The following MME variants were observed in gnomAD, a reference collection of about 807,000 sequenced individuals.
The protein encoded by MME is membrane metalloendopeptidase, also known as neprilysin.
MME carries 98 observed loss-of-function variants against 113.2 expected under a neutral mutation model. That is an observed-to-expected ratio of 0.87 (90% CI 0.74 to 1.02). MME has a LOEUF of 1.02. Ranked by LOEUF, MME falls within the 50% of genes least tolerant of loss-of-function variation. The pLI, the probability that MME is intolerant of heterozygous loss-of-function variation, is 0.00. For synonymous variants in MME, 292 were observed against 300.6 expected (o/e 0.97, Z 0.30); for missense variants, 836 against 896.0 (o/e 0.93, Z 0.86).
intron 1 of MME, among the ~76,000 whole-genome samples, chr3:155,027,423 T>C (rs1712823843): frequency 6.6e-6 from 1 of 152,224 alleles, no homozygotes; most frequent in Non-Finnish European, 1.5e-5. Flanking sequence ...TTTCTAGTCC[T>C]GCTCACTCCC....
At chr3:155,037,824 G>A (rs1379740721) in intron 1 of MME, among the ~76,000 whole-genome samples, 1 of 152,188 alleles carries the variant, frequency 6.6e-6, no homozygotes, top group Non-Finnish European at 1.5e-5. Flanking sequence ...GATAGGACCA[G>A]TTTTGGTAGA....
chr3:155,168,481 ATATAT>A lies in MME; in HGVS notation c.1781-6_1781-2del. ...ATGAGTTCCCATTTTACTTAAATAA[ATATAT>A]TATAGGCAGAAACTTTAACAAAGAT... On this transcript the variant is annotated splice_region_variant and splice_polypyrimidine_tract_variant and intron_variant, in intron 18 of 22. Transcript: ENST00000360490. 2 of 1,606,372 alleles carry A rather than the reference ATATAT, an allele frequency of 1.2e-6. No homozygotes were observed. Among genetic ancestry groups the A allele is most frequent in the South Asian group, 1.1e-5 (1 of 90,706 alleles).
intron 22 of MME, 101 bp downstream of exon 22, chr3:155,172,713 A>G: frequency 1.1e-6 from 1 of 914,998 alleles, no homozygotes; most frequent in Non-Finnish European, 1.8e-6. Flanking sequence ...TTACATTTGG[A>G]AATTCAGTGC....
chr3:155,132,694 A>G (rs1279029049), intron 8 of MME, among the ~76,000 whole-genome samples: 1 of 151,988 alleles, frequency 6.6e-6, no homozygotes, highest in Non-Finnish European at 1.5e-5. Context: ...TCTCTCAGTC[A>G]CACACACACA....
chr3:155,167,080 A>G, intron 18 of MME, 59 bp downstream of exon 18: 1 of 1,591,356 alleles, frequency 6.3e-7, no homozygotes, highest in Non-Finnish European at 8.6e-7. Context: ...TTTGATTAAG[A>G]GTTATTATAA....
intron 1 of MME, among the ~76,000 whole-genome samples, chr3:155,038,004 A>G (rs978435241): frequency 6.6e-6 from 1 of 152,178 alleles, no homozygotes; most frequent in Non-Finnish European, 1.5e-5. Flanking sequence ...AATGAAACAG[A>G]TAGTCTAATG....
intron 1 of MME, among the ~76,000 whole-genome samples, chr3:155,052,069 A>T (rs1009141748): frequency 1.3e-5 from 2 of 152,186 alleles, no homozygotes; most frequent in African/African-American, 4.8e-5. Context: ...AATGCTCCAA[A>T]ATAATCTCCT....
chr3:155,064,456 G>A (rs562675617), intron 1 of MME, among the ~76,000 whole-genome samples: 1 of 152,124 alleles, frequency 6.6e-6, no homozygotes, highest in East Asian at 1.9e-4. Flanking sequence ...AGGAAAAAAG[G>A]TTTGTTTCAT....
chr3:155,042,956 A>C (rs1432412548), intron 1 of MME, among the ~76,000 whole-genome samples: 2 of 129,662 alleles, frequency 1.5e-5, no homozygotes, highest in African/African-American at 6.0e-5. Context: ...ATATATATAT[A>C]TATCACATTT....
chr3:155,148,395 A>G (rs547246549), intron 15 of MME, among the ~76,000 whole-genome samples, 155 bp from the exon 16 acceptor site: 2 of 152,292 alleles, frequency 1.3e-5, no homozygotes, highest in East Asian at 3.9e-4. Context: ...TAATAGAATT[A>G]GGTTAACTGG....
chr3:155,062,800 A>T (rs944020411), intron 1 of MME, among the ~76,000 whole-genome samples: 1 of 151,954 alleles, frequency 6.6e-6, no homozygotes, highest in Non-Finnish European at 1.5e-5. Context: ...CACACCTGTT[A>T]TCCGAGGCCC....
At chr3:155,153,038 C>T (rs1722048738) in intron 16 of MME, among the ~76,000 whole-genome samples, 1 of 140,074 alleles carries the variant, frequency 7.1e-6, no homozygotes, top group Non-Finnish European at 1.6e-5. Context: ...CAGGGATTTA[C>T]TTTTTTTTTT....
At chr3:155,145,154 C>T (rs1168569625) in intron 14 of MME, among the ~76,000 whole-genome samples, 1 of 152,144 alleles carries the variant, frequency 6.6e-6, no homozygotes, top group Admixed American at 6.5e-5. Flanking sequence ...AGAACCTCTG[C>T]CCCCAGTATT....
chr3:155,138,692 A>G (rs1405681620), intron 9 of MME, among the ~76,000 whole-genome samples: 1 of 152,188 alleles, frequency 6.6e-6, no homozygotes, highest in Non-Finnish European at 1.5e-5. Context: ...GCAATGTGAT[A>G]CTACTGAGTT....
intron 3 of MME, among the ~76,000 whole-genome samples, chr3:155,096,171 T>C (rs1716721544): frequency 6.6e-6 from 1 of 152,100 alleles, no homozygotes; most frequent in Non-Finnish European, 1.5e-5. Context: ...CCATGATAAA[T>C]GGGTTGCATT....
In MME at chr3:155,140,269, T is replaced by C. The variant is rs748834417; in HGVS notation, c.934T>C (p.Phe312Leu). ...GACATTGGCCCAGATCCAAAATAAC[T>C]TTTCACTAGAGATCAATGGGAAGGT... Reference protein sequence around the residue: ...KMTLAQIQNNFSLEINGKPFS... With the variant: ...KMTLAQIQNNLSLEINGKPFS... The change falls in exon 10 of 23, where the codon TTT becomes CTT. Residue 312 changes from phenylalanine to leucine, a missense_variant. Coordinates refer to ENST00000360490, the MANE Select transcript of MME (RefSeq NM_007289.4). 6.2e-7 allele frequency: 1 copy of C among 1,611,594 alleles called. No homozygotes were observed. The highest frequency in any genetic ancestry group is 8.5e-7 in the Non-Finnish European group (1 of 1,178,160).
Position 155,142,013 on chromosome 3 carries a change from C to T in MME, c.980C>T (p.Thr327Ile). Residue 327 changes from threonine to isoleucine, a missense_variant, in exon 11 of 23, where the codon ACA (threonine) becomes ATA (isoleucine). Thr to Ile is a moderately conservative substitution (Grantham distance 89). Coordinates refer to ENST00000360490, the MANE Select transcript of MME (RefSeq NM_007289.4). ...NGKPFSWLNF[T>I]NEIMSTVNIS... ...CAGCCATTCAGCTGGTTGAATTTCA[C>T]AAATGAAATCATGTCAACTGTGAAT... 2 of 1,613,598 alleles carry T rather than the reference C, an allele frequency of 1.2e-6. No individual in the cohort carries two copies. Among genetic ancestry groups the T allele is most frequent in the Non-Finnish European group, 1.7e-6 (2 of 1,179,690 alleles).
At chr3:155,145,563 C>T (rs904895838) in intron 14 of MME, among the ~76,000 whole-genome samples, 4 of 152,088 alleles carry the variant, frequency 2.6e-5, no homozygotes, top group African/African-American at 9.7e-5. Flanking sequence ...TATAACATAC[C>T]TGGCCCTTGG....
At chr3:155,169,938 C>G (rs1453364454) in intron 20 of MME, among the ~76,000 whole-genome samples, 1 of 152,106 alleles carries the variant, frequency 6.6e-6, no homozygotes, top group Non-Finnish European at 1.5e-5. Context: ...GAGATTAAGT[C>G]AGCTACAAGG....
Sources: allele counts gnomAD v4.1 joint callset (sites outside exome capture counted in the v4.1 genomes callset), GRCh38; gene constraint gnomAD v4.1.1; transcripts MANE v1.5; gene names NCBI Gene and HGNC (gene_info 2026-07-23, HGNC 2026-07-21).